Variants in GRID1 observed in about 807,000 individuals in gnomAD.
GRID1 encodes glutamate receptor ionotropic, delta-1.
A neutral mutation model predicts 98.0 loss-of-function variants in GRID1; 28 were observed. The ratio of observed to expected loss-of-function variants is 0.29; its 90% confidence interval spans 0.21 to 0.39. GRID1 has a LOEUF of 0.39. Among genes scored for constraint, GRID1 ranks in the 10% least tolerant of loss-of-function variants. The pLI, the probability that GRID1 is intolerant of heterozygous loss-of-function variation, is 1.00. For missense variants in GRID1, 1,111 were observed against 1,340.5 expected (o/e 0.83, Z 2.67); for synonymous variants, 553 against 538.5 (o/e 1.03, Z -0.37).
chr10:86,336,105 C>T (rs1300628491), intron 2 of GRID1, among the ~76,000 whole-genome samples: 1 of 152,238 alleles, frequency 6.6e-6, no homozygotes, highest in East Asian at 1.9e-4. Flanking sequence ...TCCACTCCAC[C>T]TTTCTGAAGG....
At chr10:85,607,807 CTTTTTTT>C (rs749667195) in intron 15 of GRID1, among the ~76,000 whole-genome samples, 3 of 137,660 alleles carry the variant, frequency 2.2e-5, no homozygotes, top group Non-Finnish European at 4.8e-5. Flanking sequence ...TTTCCTTTTC[CTTTTTTT>C]TTTTTTTTTG....
intron 15 of GRID1, 55 bp from the exon 16 acceptor site, chr10:85,602,756 G>A (rs1842599364): frequency 3.1e-6 from 4 of 1,307,002 alleles, no homozygotes; most frequent in Non-Finnish European, 4.3e-6. Flanking sequence ...GTCAAGGCTG[G>A]CTTGCTACAG....
intron 2 of GRID1, among the ~76,000 whole-genome samples, chr10:86,226,908 C>T (rs957199026): frequency 1.3e-5 from 2 of 152,076 alleles, no homozygotes; most frequent in African/African-American, 4.8e-5. Flanking sequence ...CAGGGAATTA[C>T]CAGGCCTCAG....
At chr10:85,876,098 C>T (rs999214481) in intron 5 of GRID1, among the ~76,000 whole-genome samples, 2 of 152,236 alleles carry the variant, frequency 1.3e-5, no homozygotes, top group African/African-American at 4.8e-5. Flanking sequence ...TGACTTCTAG[C>T]TTCCACTGCT....
At chr10:86,113,172 A>G (rs997794890) in intron 4 of GRID1, among the ~76,000 whole-genome samples, 4 of 152,198 alleles carry the variant, frequency 2.6e-5, no homozygotes, top group African/African-American at 9.7e-5. Flanking sequence ...ACTAAAGAGG[A>G]AATGGGTCAT....
chr10:86,135,734 G>A (rs566215405), intron 4 of GRID1, among the ~76,000 whole-genome samples: 186 of 152,000 alleles, frequency 1.2e-3, no homozygotes, highest in African/African-American at 4.1e-3. Context: ...CGACAGCAGA[G>A]CCCCTCGTGA....
intron 12 of GRID1, among the ~76,000 whole-genome samples, chr10:85,709,888 T>C (rs565326462): frequency 6.6e-6 from 1 of 152,236 alleles, no homozygotes; most frequent in South Asian, 2.1e-4. Context: ...TACATCCACA[T>C]GTAACCCAAA....
At chr10:85,805,359 T>C (rs544334080) in intron 8 of GRID1, among the ~76,000 whole-genome samples, 1 of 151,810 alleles carries the variant, frequency 6.6e-6, no homozygotes, top group East Asian at 1.9e-4. Context: ...AAAACCTAAA[T>C]AAATGAAAAG....
At chr10:85,830,205 G>A (rs952062738) in intron 8 of GRID1, among the ~76,000 whole-genome samples, 1 of 152,108 alleles carries the variant, frequency 6.6e-6, no homozygotes, top group East Asian at 1.9e-4. Flanking sequence ...ACAAGCAATG[G>A]GGGAGGGCCT....
chr10:86,316,161 C>A (rs1250573949), intron 2 of GRID1, among the ~76,000 whole-genome samples: 1 of 152,240 alleles, frequency 6.6e-6, no homozygotes, highest in Admixed American at 6.5e-5. Flanking sequence ...GGGACCTCCA[C>A]TCGACCAACA....
intron 4 of GRID1, among the ~76,000 whole-genome samples, chr10:85,944,024 C>T (rs936762854): frequency 3.3e-5 from 5 of 152,348 alleles, no homozygotes; most frequent in Non-Finnish European, 7.3e-5. Context: ...TGTGAACAGT[C>T]TCTGTCTAGC....
chr10:85,820,589 A>T (rs1842760630), intron 8 of GRID1, among the ~76,000 whole-genome samples: 1 of 152,204 alleles, frequency 6.6e-6, no homozygotes, highest in Non-Finnish European at 1.5e-5. Flanking sequence ...TATATTTATA[A>T]TTATTGTGTG....
chr10:85,707,860 A>T (rs1248544078), intron 12 of GRID1, among the ~76,000 whole-genome samples: 1 of 152,110 alleles, frequency 6.6e-6, no homozygotes. Flanking sequence ...AACTGTTGCA[A>T]GGACAAAAAA....
chr10:85,651,340 C>A (rs1275448697), intron 12 of GRID1, among the ~76,000 whole-genome samples: 1 of 152,182 alleles, frequency 6.6e-6, no homozygotes, highest in African/African-American at 2.4e-5. Context: ...TAGTCACACC[C>A]AGATGGAAGC....
chr10:85,819,241 G>A (rs1370907240), intron 8 of GRID1, among the ~76,000 whole-genome samples: 1 of 152,150 alleles, frequency 6.6e-6, no homozygotes, highest in African/African-American at 2.4e-5. Flanking sequence ...GCTGATAAAC[G>A]CTAAAATTAG....
At chr10:85,708,112 A>AT (rs199803684) in intron 12 of GRID1, among the ~76,000 whole-genome samples, 8 of 114,754 alleles carry the variant, frequency 7.0e-5, no homozygotes, top group South Asian at 5.8e-4. Context: ...TTAAAGTATA[A>AT]TAAAAAAAAA....
At chr10:86,300,385 TGAGCCCAGAA>T (rs1297431085) in intron 2 of GRID1, among the ~76,000 whole-genome samples, 1 of 148,910 alleles carries the variant, frequency 6.7e-6, no homozygotes, top group African/African-American at 2.5e-5. Context: ...GAGGATCGCT[TGAGCCCAGAA>T]GTTTGGGACT....
intron 3 of GRID1, among the ~76,000 whole-genome samples, chr10:86,167,572 A>G (rs1845418514): frequency 6.6e-6 from 1 of 152,098 alleles, no homozygotes; most frequent in Non-Finnish European, 1.5e-5. Context: ...CAGCAGCCTC[A>G]CACTTTGGCC....
chr10:86,267,667 A>G (rs909406338), intron 2 of GRID1, among the ~76,000 whole-genome samples: 1 of 152,158 alleles, frequency 6.6e-6, no homozygotes, highest in African/African-American at 2.4e-5. Flanking sequence ...CTCCACGGCC[A>G]TGGCTCAGCT....
Sources: gnomAD v4.1 joint callset for allele counts (sites outside exome capture counted in the v4.1 genomes callset) on GRCh38, gnomAD v4.1.1 for gene constraint, MANE v1.5 for transcripts, NCBI Gene and HGNC (gene_info 2026-07-23, HGNC 2026-07-21) for gene names.